Variants in ANKRD30BL observed in about 807,000 individuals in gnomAD.
ANKRD30BL encodes the protein putative ankyrin repeat domain-containing protein 30B-like.
A neutral mutation model predicts 18.4 loss-of-function variants in ANKRD30BL; 20 were observed. The ratio of observed to expected loss-of-function variants is 1.09; its 90% CI spans 0.77 to 1.58. ANKRD30BL has a LOEUF of 1.58. ANKRD30BL is among the 40% of genes most tolerant of loss of function. The pLI, the probability that ANKRD30BL is intolerant of heterozygous loss-of-function variation, is 0.00. For synonymous variants in ANKRD30BL, 72 were observed against 100.9 expected, an observed-to-expected ratio of 0.71 and a Z score of 1.72; for missense variants, 224 against 268.6, an observed-to-expected ratio of 0.83 and a Z score of 1.16.
At chr2:132,210,758 G>A (rs1212444586) in intron 1 of ANKRD30BL, among the ~76,000 whole-genome samples, 1 of 151,734 alleles carries the variant, frequency 6.6e-6, no homozygotes, top group East Asian at 1.9e-4. Context: ...TCTTTCTGAT[G>A]TGTGCATTCA....
chr2:132,238,846 A>G (rs934600756), intron 1 of ANKRD30BL, among the ~76,000 whole-genome samples: 3 of 151,922 alleles, frequency 2.0e-5, no homozygotes, highest in Admixed American at 2.0e-4. Flanking sequence ...GTTTGCATTC[A>G]TCTCGCAGTT....
At chr2:132,257,668 C>A (rs1680904138) in exon 1 of ANKRD30BL, 1 of 158,612 alleles carries the variant, frequency 6.3e-6, no homozygotes, top group African/African-American at 2.4e-5. Context: ...AAGGCTTTCT[C>A]ACCGAGGGTG....
At chr2:132,247,029 G>T (rs980208792) in intron 1 of ANKRD30BL, among the ~76,000 whole-genome samples, 31 of 66,932 alleles carry the variant, frequency 4.6e-4, no homozygotes, top group Non-Finnish European at 7.6e-4. Flanking sequence ...TGTGATGTTT[G>T]CATTCATCTC....
In ANKRD30BL at chr2:132,196,150, A is replaced by AAAAAAAG. The variant is rs1553472731; in HGVS notation, n.442-39005_442-39004insCTTTTTT. Among the ~76,000 whole-genome samples, 280 of 151,666 alleles carry AAAAAAAG rather than the reference A, an allele frequency of 1.8e-3. 3 individuals carry two copies. The highest frequency in any genetic ancestry group is 6.4e-3 in the African/African-American group (266 of 41,392). On this transcript the variant is annotated intron_variant and non_coding_transcript_variant, in intron 1 of 4. Coordinates refer to the ANKRD30BL transcript ENST00000470729. ...GAGCTAGAGTCCATCTCAAAAAAAA[A>AAAAAAAG]AAAAAGAAAAAGAAAAAGAAAAAAA...
intron 1 of ANKRD30BL, among the ~76,000 whole-genome samples, chr2:132,177,625 G>A (rs1049060152): frequency 1.6e-4 from 25 of 152,146 alleles, no homozygotes; most frequent in Non-Finnish European, 2.9e-4. Context: ...GTCTTCCCTA[G>A]TGATTAAAGA....
intron 1 of ANKRD30BL, among the ~76,000 whole-genome samples, chr2:132,246,628 G>A (rs1386915060): frequency 4.6e-5 from 7 of 151,818 alleles, no homozygotes; most frequent in African/African-American, 1.7e-4. Context: ...CACTGGAAAC[G>A]GGTATATCTT....
chr2:132,175,646 A>G (rs1396390142), intron 1 of ANKRD30BL, among the ~76,000 whole-genome samples: 1 of 152,340 alleles, frequency 6.6e-6, no homozygotes, highest in Admixed American at 6.5e-5. Flanking sequence ...CCATGAGGCC[A>G]TATTTCAGAC....
At chr2:132,178,373 A>G (rs193162187) in intron 1 of ANKRD30BL, among the ~76,000 whole-genome samples, 149 of 152,348 alleles carry the variant, frequency 9.8e-4, no homozygotes, top group African/African-American at 3.3e-3. Context: ...AGAACAGTGG[A>G]ATTTTTTAAT....
At chr2:132,183,259 G>A (rs1053994681) in intron 1 of ANKRD30BL, among the ~76,000 whole-genome samples, 1 of 151,678 alleles carries the variant, frequency 6.6e-6, no homozygotes, top group African/African-American at 2.4e-5. Context: ...AGCCTCTTGA[G>A]CAGCTGGGAT....
At chr2:132,245,056 G>A (rs1680456592) in intron 1 of ANKRD30BL, among the ~76,000 whole-genome samples, 1 of 152,302 alleles carries the variant, frequency 6.6e-6, no homozygotes, top group Admixed American at 6.5e-5. Context: ...ATTTACAACT[G>A]GATATTAGGG....
At chr2:132,149,969 C>T (rs1231106136) in intron 5 of ANKRD30BL, among the ~76,000 whole-genome samples, 6 of 152,006 alleles carry the variant, frequency 3.9e-5, no homozygotes, top group Non-Finnish European at 7.4e-5. Flanking sequence ...ACTGCTTATG[C>T]TTTCAACTTT....
intron 1 of ANKRD30BL, among the ~76,000 whole-genome samples, chr2:132,197,928 A>G (rs1404226373): frequency 6.6e-6 from 1 of 151,960 alleles, no homozygotes; most frequent in Non-Finnish European, 1.5e-5. Context: ...TTATTTTTAT[A>G]TTTAAATAAA....
chr2:132,192,181 C>G (rs1573828444), intron 1 of ANKRD30BL, among the ~76,000 whole-genome samples: 1 of 152,112 alleles, frequency 6.6e-6, no homozygotes, highest in South Asian at 2.1e-4. Context: ...CCCTAAGCAA[C>G]ATAACACAAG....
chr2:132,216,712 T>C (rs908135486), intron 1 of ANKRD30BL, among the ~76,000 whole-genome samples: 3 of 151,818 alleles, frequency 2.0e-5, no homozygotes, highest in East Asian at 1.9e-4. Flanking sequence ...ATAAAACCTA[T>C]ACAGAAGCAT....
upstream of ANKRD30BL, among the ~76,000 whole-genome samples, chr2:132,162,625 G>A (rs397839724): frequency 4.3e-5 from 6 of 138,018 alleles, no homozygotes; most frequent in Non-Finnish European, 6.4e-5. Flanking sequence ...GGACAGGTTC[G>A]GGGGTTGCCA....
rs144786493 is a variant in ANKRD30BL at position 132,177,046 on chromosome 2, C to T, written n.442-19900G>A. Among the ~76,000 whole-genome samples, 529 of 152,302 alleles carry T rather than the reference C, an allele frequency of 3.5e-3. 5 individuals carry two copies. Among genetic ancestry groups the T allele is most frequent in the African/African-American group, 0.012 (493 of 41,576 alleles). ...GAGCTTAATTCATATTTTTCTCAAA[C>T]ACTTGCCAAAACCTTAAACTTAAAC... is the stretch of plus-strand genomic sequence containing the variant. On this transcript the variant is annotated intron_variant and non_coding_transcript_variant, in intron 1 of 4. Transcript: ENST00000470729.
chr2:132,234,986 C>T (rs1432504717), intron 1 of ANKRD30BL, among the ~76,000 whole-genome samples: 2 of 152,136 alleles, frequency 1.3e-5, no homozygotes, highest in East Asian at 3.8e-4. Flanking sequence ...AGCTTATCCA[C>T]CATGATCAAG....
intron 4 of ANKRD30BL, among the ~76,000 whole-genome samples, chr2:132,151,590 C>T (rs1055098756): frequency 2.0e-5 from 3 of 149,996 alleles, no homozygotes; most frequent in African/African-American, 7.4e-5. Flanking sequence ...CATAGGGAGA[C>T]CATGTCTCAA....
chr2:132,249,370 C>T (rs993289045), intron 1 of ANKRD30BL, among the ~76,000 whole-genome samples: 3 of 151,940 alleles, frequency 2.0e-5, no homozygotes, highest in Non-Finnish European at 4.4e-5. Context: ...AATACTGTTT[C>T]CAAAATGCTC....
Sources: allele counts gnomAD v4.1 joint callset (sites outside exome capture counted in the v4.1 genomes callset), GRCh38; gene constraint gnomAD v4.1.1; transcripts MANE v1.5; gene names NCBI Gene and HGNC (gene_info 2026-07-23, HGNC 2026-07-21).